Variants in CSMD1 observed in about 807,000 individuals in gnomAD.
CSMD1 encodes CUB and sushi domain-containing protein 1.
A neutral mutation model predicts 417.5 loss-of-function variants in CSMD1; 213 were observed. That is an observed-to-expected ratio of 0.51 (90% CI 0.46 to 0.57). The LOEUF is 0.57. CSMD1 is among the 20% of genes least tolerant of loss of function. The probability of loss-of-function intolerance (pLI) is 0.00; values close to 1 mark genes in which losing one functional copy is unlikely to be tolerated. For missense variants in CSMD1, 6,923 were observed against 4,529.7 expected (o/e 1.53, Z -15.17); for synonymous variants, 2,862 against 1,736.8 (o/e 1.65, Z -16.11).
At position 3,987,334 on chromosome 8, in the gene CSMD1, C is replaced by T. The variant is rs181288786; in HGVS notation, c.818+10569G>A. Among the ~76,000 whole-genome samples, 980 of 152,284 alleles carry T rather than the reference C, an allele frequency of 6.4e-3. 10 individuals carry two copies. The highest frequency in any genetic ancestry group is 9.0e-3 in the Non-Finnish European group (613 of 68,032). The stretch of plus-strand genomic sequence containing the variant: ...AGTGCTTTCTTTCTCCTCCAAGTAC[C>T]GACAGCATCTTTGCAACTGCATTGC... On this transcript the variant is annotated intron_variant, in intron 5 of 69. Transcript: ENST00000635120.
intron 1 of CSMD1, among the ~76,000 whole-genome samples, chr8:4,931,370 C>G (rs55738225): frequency 0.023 from 3,448 of 152,272 alleles, 42 homozygotes; most frequent in Middle Eastern, 0.082. Context: ...AATCATGTAA[C>G]TCACTTTAGC....
chr8:3,109,900 C>T (rs1209889273), intron 43 of CSMD1, among the ~76,000 whole-genome samples: 1 of 151,656 alleles, frequency 6.6e-6, no homozygotes, highest in Non-Finnish European at 1.5e-5. Context: ...CAACCCACAC[C>T]CACAAACACA....
intron 5 of CSMD1, among the ~76,000 whole-genome samples, chr8:3,978,125 G>A (rs1178065865): frequency 6.6e-6 from 1 of 152,166 alleles, no homozygotes; most frequent in Non-Finnish European, 1.5e-5. Context: ...AAAACGAAAA[G>A]CAAGCCCTGC....
chr8:4,309,010 G>T (rs543005799), intron 3 of CSMD1, among the ~76,000 whole-genome samples: 1 of 152,172 alleles, frequency 6.6e-6, no homozygotes, highest in East Asian at 1.9e-4. Context: ...GTGAGAAAAT[G>T]CATAACAGCA....
chr8:4,412,542 C>A lies in CSMD1; in HGVS notation c.415+7411G>T, dbSNP rs79071321. 5.5e-3 allele frequency among the ~76,000 whole-genome samples: 841 copies of A among 152,240 alleles called. 28 individuals carry two copies. The East Asian group carries it at 0.085, about 15-fold the overall frequency. On this transcript the variant is annotated intron_variant, in intron 3 of 69. Transcript: ENST00000635120. ...CTATTTTATCGGAAAATTACCCAGT[C>A]TCCGGTATTTCTTTATACTAATACA...
intron 7 of CSMD1, among the ~76,000 whole-genome samples, chr8:3,670,615 G>A (rs555550266): frequency 6.8e-6 from 1 of 146,574 alleles, no homozygotes; most frequent in Non-Finnish European, 1.5e-5. Context: ...CATATATATG[G>A]GGATATATAT....
chr8:4,760,886 G>C (rs1408473335), intron 1 of CSMD1, among the ~76,000 whole-genome samples: 5 of 152,150 alleles, frequency 3.3e-5, no homozygotes, highest in Non-Finnish European at 7.3e-5. Flanking sequence ...TGACCTTTTA[G>C]AAAGTGTGCA....
At chr8:4,357,927 A>T (rs539158041) in intron 3 of CSMD1, among the ~76,000 whole-genome samples, 1 of 152,278 alleles carries the variant, frequency 6.6e-6, no homozygotes, top group African/African-American at 2.4e-5. Flanking sequence ...GAATATACTT[A>T]ATTAAAAGCC....
chr8:4,260,392 T>C (rs751946780), intron 3 of CSMD1, among the ~76,000 whole-genome samples: 20 of 152,242 alleles, frequency 1.3e-4, no homozygotes, highest in Non-Finnish European at 2.6e-4. Context: ...TTCGGGTTTT[T>C]GTTAACACTA....
At chr8:3,286,006 G>A (rs556745081) in intron 25 of CSMD1, among the ~76,000 whole-genome samples, 1 of 152,084 alleles carries the variant, frequency 6.6e-6, no homozygotes, top group Non-Finnish European at 1.5e-5. Context: ...GCCCCAGTGT[G>A]TGATGTTCCC....
rs182265007 is a variant in CSMD1 at position 4,370,044 on chromosome 8, A to G, written c.415+49909T>C. ...GTTGTATAGTTGATTTATAATGTCA[A>G]TGAGGTATGTGCTTCAGTGTGTTTT... On this transcript the variant is annotated intron_variant, in intron 3 of 69. Transcript: ENST00000635120. Among the ~76,000 whole-genome samples the G allele has an allele frequency of 1.6e-4, 25 of 152,188 alleles. 1 individual carries two copies. The highest frequency in any genetic ancestry group is 5.5e-4 in the African/African-American group (23 of 41,518).
chr8:4,070,478 C>T (rs1056988546), intron 3 of CSMD1, among the ~76,000 whole-genome samples: 3 of 152,162 alleles, frequency 2.0e-5, no homozygotes, highest in Non-Finnish European at 4.4e-5. Context: ...CCACCTCAGC[C>T]TCCCGAGTAG....
At chr8:4,205,183 C>T (rs1799903515) in intron 3 of CSMD1, among the ~76,000 whole-genome samples, 1 of 152,210 alleles carries the variant, frequency 6.6e-6, no homozygotes, top group Non-Finnish European at 1.5e-5. Flanking sequence ...GAAGAAACAT[C>T]TGATTTAAAT....
chr8:3,020,568 C>A (rs747085453), intron 51 of CSMD1, among the ~76,000 whole-genome samples: 1 of 152,098 alleles, frequency 6.6e-6, no homozygotes, highest in East Asian at 1.9e-4. Context: ...AGATGGGGGT[C>A]TCATTGTGTT....
chr8:3,298,846 A>G (rs569737897), intron 25 of CSMD1, among the ~76,000 whole-genome samples: 11 of 152,296 alleles, frequency 7.2e-5, no homozygotes, highest in Non-Finnish European at 1.2e-4. Context: ...ATAGAGCTCA[A>G]AGGTCTATCC....
intron 2 of CSMD1, among the ~76,000 whole-genome samples, chr8:4,561,322 C>A (rs963082126): frequency 6.6e-6 from 1 of 152,112 alleles, no homozygotes; most frequent in Non-Finnish European, 1.5e-5. Context: ...TGCAGTGAAT[C>A]GAGATCATGC....
chr8:3,130,198 T>C (rs970953623), intron 41 of CSMD1, among the ~76,000 whole-genome samples: 1 of 152,164 alleles, frequency 6.6e-6, no homozygotes, highest in Admixed American at 6.5e-5. Flanking sequence ...AAGTTTAACA[T>C]GATGATCACG....
chr8:4,426,846 C>T (rs1046962938), intron 2 of CSMD1, among the ~76,000 whole-genome samples: 3 of 150,492 alleles, frequency 2.0e-5, no homozygotes, highest in Non-Finnish European at 4.4e-5. Flanking sequence ...ATATTATGTA[C>T]TATATTATAG....
At chr8:3,104,146 T>C in intron 46 of CSMD1, among the ~76,000 whole-genome samples, 1 of 152,206 alleles carries the variant, frequency 6.6e-6, no homozygotes, top group African/African-American at 2.4e-5. Context: ...CTGAGAAACT[T>C]GAGGCTTTGT....
Sources: gnomAD v4.1 joint callset for allele counts (sites outside exome capture counted in the v4.1 genomes callset) on GRCh38, gnomAD v4.1.1 for gene constraint, MANE v1.5 for transcripts, NCBI Gene and HGNC (gene_info 2026-07-23, HGNC 2026-07-21) for gene names.